Variants in KANTR observed in about 807,000 individuals in gnomAD.
KANTR encodes KDM5C adjacent transcript.
intron 2 of KANTR, among the ~76,000 whole-genome samples, chrX:53,116,863 A>C (rs145067208): frequency 0.025 from 2,839 of 111,690 alleles, 36 homozygotes; most frequent in Admixed American, 0.057. Context: ...TTCATCTCAC[A>C]TGCCTTTGCA....
chrX:53,126,197 T>A (rs1556816191), exon 3 of KANTR: 1 of 111,003 alleles, frequency 9.0e-6, no homozygotes. Flanking sequence ...TTTTTAATTC[T>A]ACTTTGGGAA....
At chrX:53,113,578 T>TC (rs1326396608) in intron 2 of KANTR, among the ~76,000 whole-genome samples, 2 of 96,590 alleles carry the variant, frequency 2.1e-5, no homozygotes, top group Non-Finnish European at 4.2e-5. Context: ...TTTTTTTTTT[T>TC]TTTTTTTTTT....
chrX:53,113,079 T>C (rs973724978), intron 2 of KANTR: 5 of 248,713 alleles, frequency 2.0e-5, no homozygotes, highest in African/African-American at 8.8e-5. Flanking sequence ...TAACAAGACT[T>C]TATCTTTGAC....
At chrX:53,128,337 C>A (rs1289269998), downstream of KANTR, among the ~76,000 whole-genome samples, 1 of 111,551 alleles carries the variant, frequency 9.0e-6, no homozygotes, top group Non-Finnish European at 1.9e-5. Context: ...GCAGTGTGGT[C>A]AGTGCAGTAA....
chrX:53,140,648 A>G (rs2146758558), intron 2 of KANTR, among the ~76,000 whole-genome samples: 1 of 110,994 alleles, frequency 9.0e-6, no homozygotes, highest in East Asian at 2.8e-4. Context: ...AAAAGGCCAA[A>G]AACAAAATGT....
intron 2 of KANTR, among the ~76,000 whole-genome samples, chrX:53,119,471 A>G (rs1322181657): frequency 9.0e-6 from 1 of 111,548 alleles, no homozygotes; most frequent in African/African-American, 3.3e-5. Context: ...AGCTGGTTTC[A>G]TTATTTTCCA....
At chrX:53,118,093 A>T (rs782778237) in intron 2 of KANTR, among the ~76,000 whole-genome samples, 2 of 111,921 alleles carry the variant, frequency 1.8e-5, no homozygotes, top group South Asian at 7.5e-4. Context: ...TTTTGCTCTT[A>T]TGGACAGTGC....
chrX:53,108,769 T>A (rs1481219262), intron 2 of KANTR, among the ~76,000 whole-genome samples: 3 of 109,797 alleles, frequency 2.7e-5, no homozygotes, highest in Non-Finnish European at 5.7e-5. Flanking sequence ...GGTGTGATCA[T>A]AGCTCACTGC....
chrX:53,130,963 G>A (rs1266401086), downstream of KANTR, among the ~76,000 whole-genome samples: 1 of 111,298 alleles, frequency 9.0e-6, no homozygotes, highest in Non-Finnish European at 1.9e-5. Context: ...CAGTGACAGA[G>A]GGATAATCTA....
chrX:53,097,350 GTT>G (rs781783647), intron 1 of KANTR, among the ~76,000 whole-genome samples: 3 of 67,972 alleles, frequency 4.4e-5, no homozygotes, highest in Non-Finnish European at 5.3e-5. Flanking sequence ...TTTGTTTTAA[GTT>G]TTTTTTTTTT....
At chrX:53,125,521 A>G (rs1291541989) in exon 3 of KANTR, 1 of 109,236 alleles carries the variant, frequency 9.2e-6, no homozygotes, top group Non-Finnish European at 1.9e-5. Context: ...TTCTTATTCA[A>G]TTTTTTTCCT....
exon 3 of KANTR, chrX:53,124,297 T>C (rs981332441): frequency 1.0e-5 from 3 of 295,706 alleles, no homozygotes; most frequent in African/African-American, 5.5e-5. Context: ...ATTACTGATA[T>C]TGGTTATTTG....
chrX:53,135,861 T>C (rs1556817545), intron 2 of KANTR, among the ~76,000 whole-genome samples: 1 of 111,964 alleles, frequency 8.9e-6, no homozygotes, highest in Non-Finnish European at 1.9e-5. Flanking sequence ...CCTGTTGCCA[T>C]CTTCTAGCCC....
At position 53,103,385 on chromosome X, in the gene KANTR, T is replaced by C. The variant is rs182263589; in HGVS notation, c.-805+3777T>C. On this transcript the variant is annotated intron_variant, in intron 2 of 2. Coordinates refer to ENST00000604062, the Ensembl canonical transcript of KANTR. ...TATTTTTCTAGCTCACGCCTACTAG[T>C]ACTCCAACTCCAGCAATCCCTCAAT... 1.4e-3 allele frequency among the ~76,000 whole-genome samples: 159 copies of C among 111,173 alleles called. 1 individual carries two copies. Among genetic ancestry groups the C allele is most frequent in the Non-Finnish European group, 2.5e-3 (131 of 52,979 alleles).
In KANTR at chrX:53,104,521, G is replaced by A. The variant is rs189140548; in HGVS notation, c.-805+4913G>A. 3.0e-3 allele frequency among the ~76,000 whole-genome samples: 327 copies of A among 110,065 alleles called. 1 individual carries two copies. Among genetic ancestry groups the A allele is most frequent in the Non-Finnish European group, 5.0e-3 (266 of 52,748 alleles). ...CAATTTTAGAACATTTTCACCCCCC[G>A]ACCCCCACCAAAGAAGCTTCATACT... is the stretch of plus-strand genomic sequence containing the variant. On this transcript the variant is annotated intron_variant, in intron 2 of 2. Coordinates refer to ENST00000604062, the Ensembl canonical transcript of KANTR.
rs58263602 is a variant in KANTR at position 53,136,693 on chromosome X, C to CATATATATATATAT, written n.204-5130_204-5117dup. On this transcript the variant is annotated intron_variant and non_coding_transcript_variant, in intron 2 of 2. Coordinates refer to the KANTR transcript ENST00000366185. ...TACAGGCAAGATCTACCACGCCCGG[C>CATATATATATATAT]ATATATATATATATATATATATATA... Among the ~76,000 whole-genome samples the CATATATATATATAT allele has an allele frequency of 6.0e-3, 56 of 9,295 alleles. 1 individual carries two copies. The highest frequency in any genetic ancestry group is 0.02 in the South Asian group (2 of 100). 8.1% of individuals were successfully genotyped at this position (9,295 alleles called of 115,157 possible).
chrX:53,142,888 A>C (rs1420137528), downstream of KANTR: 2 of 547,788 alleles, frequency 3.7e-6, no homozygotes, highest in Admixed American at 2.4e-5. Flanking sequence ...CATCTGCTGG[A>C]AGGTGGACAG....
At chrX:53,095,343 A>G (rs781795958) in intron 1 of KANTR, among the ~76,000 whole-genome samples, 2 of 111,505 alleles carry the variant, frequency 1.8e-5, no homozygotes, top group African/African-American at 6.5e-5. Context: ...ACTCACCTTC[A>G]GTTATCAGCA....
chrX:53,141,235 C>T (rs1293436330), intron 2 of KANTR, among the ~76,000 whole-genome samples: 1 of 112,166 alleles, frequency 8.9e-6, no homozygotes, highest in Non-Finnish European at 1.9e-5. Context: ...CCTCTTTGAA[C>T]GTCTTGGTCC....
Sources: gnomAD v4.1 joint callset for allele counts (sites outside exome capture counted in the v4.1 genomes callset) on GRCh38, gnomAD v4.1.1 for gene constraint, MANE v1.5 for transcripts, NCBI Gene and HGNC (gene_info 2026-07-23, HGNC 2026-07-21) for gene names.